BIN3: variants seen among roughly 807,000 people sequenced by gnomAD.
BIN3 encodes bridging integrator 3.
BIN3 carries 41 observed loss-of-function variants against 38.2 expected under a neutral mutation model. The observed-to-expected ratio is 1.07, with a 90% CI of 0.84 to 1.39. The LOEUF is 1.39. Ranked by LOEUF, BIN3 falls within the 40% of genes most tolerant of loss-of-function variation. The probability of loss-of-function intolerance (pLI) is 0.00; values close to 1 mark genes in which losing one functional copy is unlikely to be tolerated. For synonymous variants in BIN3, 145 were observed against 122.6 expected (o/e 1.18, Z -1.21); for missense variants, 361 against 324.3 (o/e 1.11, Z -0.87).
intron 1 of BIN3, among the ~76,000 whole-genome samples, chr8:22,658,514 A>G (rs1803130778): frequency 6.6e-6 from 1 of 152,116 alleles, no homozygotes; most frequent in Admixed American, 6.5e-5. Flanking sequence ...TGCATTTTCA[A>G]TTTGCTAGGT....
intron 1 of BIN3, among the ~76,000 whole-genome samples, chr8:22,650,964 C>T (rs1400532192): frequency 6.6e-6 from 1 of 152,100 alleles, no homozygotes; most frequent in Non-Finnish European, 1.5e-5. Flanking sequence ...TCCATCCTGC[C>T]CTTGGGAGCC....
intron 2 of BIN3, among the ~76,000 whole-genome samples, chr8:22,641,463 G>A (rs1467179577): frequency 6.6e-6 from 1 of 152,192 alleles, no homozygotes; most frequent in African/African-American, 2.4e-5. Context: ...TCATGGTGAA[G>A]TGAAAAAGGA....
intron 4 of BIN3, among the ~76,000 whole-genome samples, chr8:22,635,544 C>T (rs889524810): frequency 6.6e-6 from 1 of 152,142 alleles, no homozygotes; most frequent in East Asian, 1.9e-4. Flanking sequence ...CCGACCATGA[C>T]GACGGTGATG....
intron 1 of BIN3, among the ~76,000 whole-genome samples, chr8:22,658,457 A>G (rs1457216829): frequency 6.6e-6 from 1 of 152,218 alleles, no homozygotes; most frequent in Non-Finnish European, 1.5e-5. Flanking sequence ...ACCTTTCCAA[A>G]AAAGCCCCTG....
intron 4 of BIN3, chr8:22,634,332 G>A (rs977273742): frequency 1.3e-5 from 5 of 374,756 alleles, no homozygotes; most frequent in Admixed American, 6.5e-5. Context: ...CCAGCCCACG[G>A]CCCAGGAATT....
chr8:22,624,094 G>A, intron 7 of BIN3, 45 bp from the exon 8 acceptor site: 1 of 1,577,870 alleles, frequency 6.3e-7, no homozygotes. Flanking sequence ...ACTGCTGGGT[G>A]CCGGATACGG....
intron 2 of BIN3, among the ~76,000 whole-genome samples, chr8:22,640,354 A>T (rs1585189810): frequency 7.2e-6 from 1 of 139,352 alleles, no homozygotes; most frequent in South Asian, 2.3e-4. Context: ...TAATTTTTGA[A>T]TTTTTTTTTT....
At chr8:22,641,657 G>A (rs541260815) in intron 2 of BIN3, among the ~76,000 whole-genome samples, 200 of 152,138 alleles carry the variant, frequency 1.3e-3, no homozygotes, top group Non-Finnish European at 2.3e-3. Context: ...TAAGGGCCCC[G>A]CCACCTGGCA....
chr8:22,623,024 C>T lies in BIN3; in HGVS notation c.615+891G>A, dbSNP rs539223136. Among the ~76,000 whole-genome samples the T allele has an allele frequency of 1.3e-3, 192 of 152,298 alleles. 2 individuals are homozygous for T. Among genetic ancestry groups the T allele is most frequent in the South Asian group, 4.1e-3 (20 of 4,822 alleles). On this transcript the variant is annotated intron_variant, in intron 8 of 8. Transcript: ENST00000276416. ...TGGCCAGGCTTCACGGCTGCGACTACGGGCCTGCAGGAAATGGCCACTGGA... is the reference window on the plus strand; with the variant it reads ...TGGCCAGGCTTCACGGCTGCGACTATGGGCCTGCAGGAAATGGCCACTGGA...
rs1190696249 is a variant in BIN3 at position 22,621,084 on chromosome 8, A to C, written c.*338T>G. 1.2e-5 allele frequency: 3 copies of C among 246,880 alleles called. No homozygotes were observed. Among genetic ancestry groups the C allele is most frequent in the Non-Finnish European group, 2.4e-5 (3 of 127,652 alleles). The allele number at this position is 246,880 out of a possible 1,614,324, so 15.3% of individuals were successfully genotyped here. The stretch of plus-strand genomic sequence containing the variant: ...AGATTTGATGCCCACAACGCATGCA[A>C]GGCTAAGACCCCCAACTTAGCCAAC... On this transcript the variant is annotated 3_prime_UTR_variant, in exon 9 of 9. Transcript: ENST00000276416.
chr8:22,641,379 G>A (rs1802554889), intron 2 of BIN3, among the ~76,000 whole-genome samples: 1 of 152,310 alleles, frequency 6.6e-6, no homozygotes, highest in South Asian at 2.1e-4. Context: ...GCAGTGCACA[G>A]GTCAGGCCCT....
rs1230948579 is a variant in BIN3, at chr8:22,629,865, T to C, written c.338+99A>G. On this transcript the variant is annotated intron_variant, in intron 6 of 8. Transcript: ENST00000276416. ...AGTTTCCCGTCAGGCCCCATGGGAA[T>C]CTGGGGACACGCAGCTAGAAATCCT... 5.8e-6 allele frequency: 7 copies of C among 1,198,490 alleles called. No homozygotes were observed. The African/African-American group carries it at 7.6e-5, about 13-fold the overall frequency. The allele number at this position is 1,198,490 out of a possible 1,614,324, so 74.2% of individuals were successfully genotyped here.
intron 1 of BIN3, among the ~76,000 whole-genome samples, chr8:22,657,957 CCAACTGGG>C (rs1803107975): frequency 1.3e-5 from 2 of 152,214 alleles, no homozygotes; most frequent in African/African-American, 4.8e-5. Flanking sequence ...GGCAGGAGGC[CCAACTGGG>C]CTTCGGGACT....
At chr8:22,664,989 C>T (rs6558176) in intron 1 of BIN3, among the ~76,000 whole-genome samples, 53,152 of 152,140 alleles carry the variant, frequency 0.35, 9,658 homozygotes, top group African/African-American at 0.45. Flanking sequence ...GCATGATACC[C>T]ACTATGCGTA....
At chr8:22,629,847 C>A in intron 6 of BIN3, 117 bp downstream of exon 6, 1 of 1,045,388 alleles carries the variant, frequency 9.6e-7, no homozygotes, top group Admixed American at 2.0e-5. Context: ...CTGAGTTTCC[C>A]GTCAGGCCCC....
At chr8:22,623,275 G>A (rs986135642) in intron 8 of BIN3, among the ~76,000 whole-genome samples, 3 of 152,182 alleles carry the variant, frequency 2.0e-5, no homozygotes, top group African/African-American at 7.2e-5. Context: ...ATGGAGGAGG[G>A]TGAGGAGCAT....
At chr8:22,629,362 T>C (rs907012200) in intron 6 of BIN3, among the ~76,000 whole-genome samples, 1 of 152,126 alleles carries the variant, frequency 6.6e-6, no homozygotes, top group Non-Finnish European at 1.5e-5. Context: ...GCTCTGCCTG[T>C]TCCCCGCCCT....
chr8:22,629,233 T>A (rs1563948449), intron 6 of BIN3, among the ~76,000 whole-genome samples: 4 of 152,106 alleles, frequency 2.6e-5, no homozygotes, highest in Admixed American at 6.5e-5. Flanking sequence ...GGCAAGGCAC[T>A]GCCTGGGACC....
chr8:22,644,570 T>C (rs1360585153), intron 2 of BIN3, 185 bp downstream of exon 2: 1 of 583,382 alleles, frequency 1.7e-6, no homozygotes, highest in African/African-American at 1.9e-5. Flanking sequence ...CTAGGGGAAG[T>C]GTCCCAGGAC....
Sources: gnomAD v4.1 joint callset for allele counts (sites outside exome capture counted in the v4.1 genomes callset) on GRCh38, gnomAD v4.1.1 for gene constraint, MANE v1.5 for transcripts, NCBI Gene and HGNC (gene_info 2026-07-23, HGNC 2026-07-21) for gene names.